Variants in KIF15 observed in about 807,000 individuals in gnomAD.
KIF15 encodes kinesin-like protein KIF15.
In KIF15, 140 loss-of-function variants were observed where a neutral mutation model predicts 190.6. The ratio of observed to expected loss-of-function variants is 0.73; its 90% CI spans 0.64 to 0.84. The LOEUF is 0.84. KIF15 is among the 40% of genes least tolerant of loss of function. KIF15 has a pLI of 0.00. For missense variants in KIF15, 1,372 were observed against 1,584.4 expected (o/e 0.87, Z 2.28); for synonymous variants, 528 against 551.3 (o/e 0.96, Z 0.59).
At chr3:44,841,668 G>A (rs754134911) in intron 29 of KIF15, among the ~76,000 whole-genome samples, 2 of 152,130 alleles carry the variant, frequency 1.3e-5, no homozygotes, top group African/African-American at 2.4e-5. Context: ...AAAGTGCTGG[G>A]ATTACAGGTG....
At chr3:44,792,646 A>G (rs1194074074) in intron 7 of KIF15, among the ~76,000 whole-genome samples, 2 of 151,240 alleles carry the variant, frequency 1.3e-5, no homozygotes, top group African/African-American at 4.9e-5. Flanking sequence ...TCCCGGGTTC[A>G]AGCGATTCTC....
chr3:44,847,625 C>T (rs1444946723), intron 30 of KIF15, among the ~76,000 whole-genome samples: 1 of 152,214 alleles, frequency 6.6e-6, no homozygotes, highest in Non-Finnish European at 1.5e-5. Context: ...ACATTCATAC[C>T]AGGCTCTTGG....
rs372838084 is a variant in KIF15, at chr3:44,805,869, A to G, written c.1854A>G (p.Ser618=). ...GGAAAAGGCAGCTAGAATTGGAATC[A>G]GAGCTTCAGTCTTTGCAAAAAGCGA... ...LTRKRQLELE[S]ELQSLQKANL... The change falls in exon 16 of 35, where the codon TCA becomes TCG. Residue 618 remains serine (S), a synonymous_variant. Transcript: ENST00000326047. 1.2e-6 allele frequency: 2 copies of G among 1,613,606 alleles called. No individual in the cohort carries two copies. Among genetic ancestry groups the G allele is most frequent in the African/African-American group, 1.3e-5 (1 of 74,916 alleles).
Position 44,862,066 on chromosome 3 carries a change from G to A in KIF15, c.*59+9272G>A, listed in dbSNP as rs549442571. On this transcript the variant is annotated intron_variant and NMD_transcript_variant, in intron 6 of 6. Coordinates refer to the KIF15 transcript ENST00000422209. ...CGTATTCAACTGTCTGTGCGCCGGCGCGTTCGGGGCCCTGGCCGCCGCCTC... is the reference window on the plus strand; with the variant it reads ...CGTATTCAACTGTCTGTGCGCCGGCACGTTCGGGGCCCTGGCCGCCGCCTC... 4.6e-6 allele frequency: 6 copies of A among 1,316,834 alleles called. No homozygotes were observed. In the South Asian group the frequency reaches 7.5e-5, roughly 16 times the overall value. The allele number at this position is 1,316,834 out of a possible 1,614,324, so 81.6% of individuals were successfully genotyped here.
At chr3:44,779,894 C>G (rs1174656564) in intron 4 of KIF15, among the ~76,000 whole-genome samples, 5 of 149,778 alleles carry the variant, frequency 3.3e-5, no homozygotes, top group Non-Finnish European at 7.4e-5. Flanking sequence ...TTCTGAGTTA[C>G]TAAAGAATTT....
chr3:44,767,024 G>C (rs184682914), intron 1 of KIF15, among the ~76,000 whole-genome samples: 1 of 151,784 alleles, frequency 6.6e-6, no homozygotes, highest in Non-Finnish European at 1.5e-5. Context: ...GTTAGCCAGG[G>C]TGGTCTCGAT....
chr3:44,775,907 C>T (rs578072372), intron 3 of KIF15, among the ~76,000 whole-genome samples: 11 of 151,528 alleles, frequency 7.3e-5, no homozygotes, highest in African/African-American at 1.7e-4. Context: ...AGTGAAACCC[C>T]GTCTATACTA....
chr3:44,840,249 C>T (rs1331524708), intron 27 of KIF15, 106 bp from the exon 28 acceptor site: 1 of 634,424 alleles, frequency 1.6e-6, no homozygotes, highest in Non-Finnish European at 2.7e-6. Flanking sequence ...TTGTGGTTTT[C>T]ATTTGCATTT....
rs1707295511 is a variant in KIF15 at position 44,801,944 on chromosome 3, A to G, written c.1479A>G (p.Leu493=). ...AGCAGGATCGTTTGCTCTCAGAATT[A>G]AGGAATGAGATTCAAACTCTGCGAG... ...PEEQDRLLSE[L]RNEIQTLREQ... is the part of the protein sequence containing the mutation. Residue 493 remains leucine, a synonymous_variant, in exon 13 of 35, where the codon TTA becomes TTG. Coordinates refer to ENST00000326047, the MANE Select transcript of KIF15 (RefSeq NM_020242.3). 1.2e-6 allele frequency: 2 copies of G among 1,613,222 alleles called. No homozygotes were observed. Among genetic ancestry groups the G allele is most frequent in the East Asian group, 4.5e-5 (2 of 44,868 alleles).
intron 30 of KIF15, among the ~76,000 whole-genome samples, chr3:44,843,690 G>C (rs1445573912): frequency 6.6e-6 from 1 of 152,152 alleles, no homozygotes; most frequent in Admixed American, 6.5e-5. Context: ...ACATCTCTCT[G>C]AGTGTGTTTT....
intron 16 of KIF15, among the ~76,000 whole-genome samples, chr3:44,810,118 T>C (rs1266501304): frequency 6.6e-6 from 1 of 152,234 alleles, no homozygotes; most frequent in Admixed American, 6.5e-5. Flanking sequence ...CCCAGTGTTC[T>C]ATTTGAATGT....
intron 8 of KIF15, among the ~76,000 whole-genome samples, chr3:44,796,139 A>C (rs1449704601): frequency 1.3e-5 from 2 of 152,212 alleles, no homozygotes; most frequent in Non-Finnish European, 2.9e-5. Flanking sequence ...TTGGGATTAC[A>C]GGCGTTAGCC....
At chr3:44,851,559 T>C (rs1411109703) in intron 32 of KIF15, among the ~76,000 whole-genome samples, 1 of 152,202 alleles carries the variant, frequency 6.6e-6, no homozygotes, top group Non-Finnish European at 1.5e-5. Flanking sequence ...GTTTAGAAAA[T>C]GTTTTGAGGA....
intron 9 of KIF15, 55 bp downstream of exon 9, chr3:44,797,731 T>C (rs1707058016): frequency 6.2e-7 from 1 of 1,605,650 alleles, no homozygotes; most frequent in Admixed American, 1.7e-5. Flanking sequence ...AAGTTGATAG[T>C]GGGACAGTCT....
intron 26 of KIF15, 115 bp downstream of exon 26, chr3:44,831,133 T>C (rs905793372): frequency 2.5e-6 from 3 of 1,216,146 alleles, no homozygotes; most frequent in East Asian, 4.9e-5. Flanking sequence ...ATAATTCTTA[T>C]ACAGCTGATG....
At chr3:44,858,909 G>T (rs1179386595) in intron 6 of KIF15, among the ~76,000 whole-genome samples, 1 of 152,222 alleles carries the variant, frequency 6.6e-6, no homozygotes, top group East Asian at 1.9e-4. Context: ...GACGGTCCAG[G>T]GGGCCTCCAA....
At chr3:44,804,063 G>C (rs1707388337) in intron 14 of KIF15, among the ~76,000 whole-genome samples, 1 of 152,136 alleles carries the variant, frequency 6.6e-6, no homozygotes, top group Non-Finnish European at 1.5e-5. Flanking sequence ...GGCCAGGCTG[G>C]TCTTGAACTT....
At chr3:44,829,435 T>G (rs540235205) in intron 24 of KIF15, among the ~76,000 whole-genome samples, 3 of 139,400 alleles carry the variant, frequency 2.2e-5, no homozygotes, top group South Asian at 4.2e-4. Context: ...ATAATATATA[T>G]GTATATATTA....
chr3:44,805,073 T>G lies in KIF15; in HGVS notation c.1734T>G (p.Phe578Leu). The change falls in exon 15 of 35, where the codon TTT becomes TTG. Residue 578 changes from phenylalanine (F) to leucine (L), a missense_variant. Transcript: ENST00000326047. ...SPKAQKEPCLFANTEKLKAQL... is the reference protein window; with the variant it reads ...SPKAQKEPCLLANTEKLKAQL... ...AAGCTCAGAAAGAGCCATGTTTGTT[T>G]GCAAACACTGAGAAGTTAAAAGCAC... The G allele has an allele frequency of 2.5e-6, 4 of 1,613,922 alleles. No individual in the cohort carries two copies. Among genetic ancestry groups the G allele is most frequent in the Non-Finnish European group, 3.4e-6 (4 of 1,179,884 alleles).
Sources: gnomAD v4.1 joint callset for allele counts (sites outside exome capture counted in the v4.1 genomes callset) on GRCh38, gnomAD v4.1.1 for gene constraint, MANE v1.5 for transcripts, NCBI Gene and HGNC (gene_info 2026-07-23, HGNC 2026-07-21) for gene names.